UPF2: variants seen among roughly 807,000 people sequenced by gnomAD.
UPF2 encodes the protein UPF2 regulator of nonsense mediated mRNA decay, also known as regulator of nonsense transcripts 2.
UPF2 carries 17 observed loss-of-function variants against 141.4 expected under a neutral mutation model. That is an observed-to-expected ratio of 0.12 (90% confidence interval 0.08 to 0.18). The LOEUF is 0.18. Ranked by LOEUF, UPF2 falls within the 10% of genes least tolerant of loss-of-function variation. The probability of loss-of-function intolerance (pLI) is 1.00; values close to 1 mark genes in which losing one functional copy is unlikely to be tolerated. For synonymous variants in UPF2, 540 were observed against 498.0 expected (o/e 1.08, Z -1.12); for missense variants, 1,152 against 1,515.9 (o/e 0.76, Z 3.99).
At chr10:11,970,045 A>C (rs1236652150) in intron 9 of UPF2, among the ~76,000 whole-genome samples, 3 of 152,246 alleles carry the variant, frequency 2.0e-5, no homozygotes, top group African/African-American at 7.2e-5. Flanking sequence ...GACGTGAAAG[A>C]GCAAAAGTTC....
Position 11,943,049 on chromosome 10 carries a change from T to C in UPF2, c.3279+15A>G. The C allele has an allele frequency of 6.3e-7, 1 of 1,577,416 alleles. No homozygotes were observed. The highest frequency in any genetic ancestry group is 1.4e-5 in the African/African-American group (1 of 74,024). On this transcript the variant is annotated intron_variant, in intron 17 of 21. Transcript: ENST00000357604. ...CTGCACAATTTCAAAAAGTAAATTTTTCAGCCATACGTACAGTATTCTCTT... is the reference window on the plus strand; with the variant it reads ...CTGCACAATTTCAAAAAGTAAATTTCTCAGCCATACGTACAGTATTCTCTT...
chr10:11,967,322 C>A lies in UPF2; in HGVS notation c.2067+19G>T. The stretch of plus-strand genomic sequence containing the variant: ...TTTAAACTTTTCAATTAAAAACAAT[C>A]AACTAATTCAGCACTAACCTTTAAA... On this transcript the variant is annotated intron_variant, in intron 10 of 21. Coordinates refer to ENST00000357604, the MANE Select transcript of UPF2 (RefSeq NM_015542.4). 1 of 1,344,858 alleles carries A rather than the reference C, an allele frequency of 7.4e-7. No homozygotes were observed. Among genetic ancestry groups the A allele is most frequent in the South Asian group, 1.6e-5 (1 of 63,782 alleles). 83.3% of individuals were successfully genotyped at this position (1,344,858 alleles called of 1,614,324 possible).
intron 4 of UPF2, among the ~76,000 whole-genome samples, chr10:12,013,012 C>G (rs1236517463): frequency 6.6e-6 from 1 of 151,046 alleles, no homozygotes. Context: ...GCAGTCCCAG[C>G]TACTTGGGAG....
chr10:11,920,900 A>T lies in UPF2; in HGVS notation c.*398T>A. ...TCAATTCAGAGACACTGAAACTCAA[A>T]TCAAGTTTAAAGCTCAAGTTCATTT... On this transcript the variant is annotated 3_prime_UTR_variant, in exon 22 of 22. Transcript: ENST00000357604. 9.4e-6 allele frequency: 4 copies of T among 425,462 alleles called. No homozygotes were observed. Among genetic ancestry groups the T allele is most frequent in the South Asian group, 6.9e-5 (4 of 57,560 alleles). The allele number at this position is 425,462 out of a possible 1,614,324, so 26.4% of individuals were successfully genotyped here. A position where few individuals can be genotyped will look rare whatever the true frequency, so the allele number is the denominator to read the frequency against.
In UPF2 at chr10:12,028,801, C is replaced by T. The variant is rs1490570635; in HGVS notation, c.1089G>A (p.Leu363=). 2 of 1,613,700 alleles carry T rather than the reference C, an allele frequency of 1.2e-6. No homozygotes were observed. The highest frequency in any genetic ancestry group is 1.7e-6 in the Non-Finnish European group (2 of 1,179,932). The change falls in exon 3 of 22, where the codon TTG becomes TTA. Residue 363 remains leucine, a synonymous_variant. Transcript: ENST00000357604. ...TGTGGTCCCTTTTCAGGTGTTTGGT[C>T]AAAGACGTAAAGTACTCTTTTAAAA... ...QNLLKEYFTS[L]TKHLKRDHRE...
In UPF2 at chr10:12,034,975, G is replaced by T. The variant is rs1834595588; in HGVS notation, c.365+84C>A. 12 of 1,496,238 alleles carry T rather than the reference G, an allele frequency of 8.0e-6. No individual in the cohort carries two copies. The South Asian group carries it at 1.5e-4, about 19-fold the overall frequency. 92.7% of individuals were successfully genotyped at this position (1,496,238 alleles called of 1,614,324 possible). ...ATTCTTAAAGAGCTGCACCCAGGAC[G>T]CTATATTTCAAATAATGTTTTTTTC... On this transcript the variant is annotated intron_variant, in intron 2 of 21. Transcript: ENST00000357604.
intron 10 of UPF2, among the ~76,000 whole-genome samples, chr10:11,966,931 A>G (rs1833331095): frequency 6.6e-6 from 1 of 152,230 alleles, no homozygotes; most frequent in Non-Finnish European, 1.5e-5. Flanking sequence ...ACCACCAGTC[A>G]ATATTTTTAA....
chr10:11,965,134 G>C (rs569233604), intron 10 of UPF2, among the ~76,000 whole-genome samples: 1 of 152,240 alleles, frequency 6.6e-6, no homozygotes, highest in African/African-American at 2.4e-5. Flanking sequence ...TATAAAAATG[G>C]TGGGACATAC....
chr10:12,038,963 G>A (rs747453142), intron 1 of UPF2, among the ~76,000 whole-genome samples: 11 of 151,968 alleles, frequency 7.2e-5, no homozygotes, highest in Admixed American at 2.6e-4. Flanking sequence ...CACTATACCC[G>A]GGCAGCATTT....
chr10:11,935,076 CTGTT>C lies in UPF2; in HGVS notation c.3546+1465_3546+1468del, dbSNP rs1832832894. Among the ~76,000 whole-genome samples, 1 of 152,134 alleles carries C rather than the reference CTGTT, an allele frequency of 6.6e-6. No individual in the cohort carries two copies. The highest frequency in any genetic ancestry group is 1.5e-5 in the Non-Finnish European group (1 of 68,018). ...TGCAGGGATAAAATTTAGGCATCAT[CTGTT>C]TGAGGCTGTGCTAGTGGGGAGGACA... On this transcript the variant is annotated intron_variant, in intron 19 of 21. Transcript: ENST00000357604. This position sits in a 1 kb window ranked among gnomAD's most constrained non-coding sequence, Gnocchi z 4.9.
chr10:11,953,024 C>T lies in UPF2; in HGVS notation c.2851-775G>A, dbSNP rs938609878. 6.6e-6 allele frequency among the ~76,000 whole-genome samples: 1 copy of T among 152,124 alleles called. No individual in the cohort carries two copies. Among genetic ancestry groups the T allele is most frequent in the African/African-American group, 2.4e-5 (1 of 41,414 alleles). On this transcript the variant is annotated intron_variant, in intron 14 of 21. Coordinates refer to ENST00000357604, the MANE Select transcript of UPF2 (RefSeq NM_015542.4). The surrounding 1 kb of genome is among the most constrained non-coding windows in gnomAD (Gnocchi z 5.0). ...TTTGAAATATATAAAAATCACTAAT[C>T]ATCAACAAGCATTTATTGAATATCT...
chr10:11,969,443 A>G (rs936936135), intron 9 of UPF2, among the ~76,000 whole-genome samples: 5 of 152,330 alleles, frequency 3.3e-5, no homozygotes, highest in South Asian at 2.1e-4. Flanking sequence ...TGCTGGGATT[A>G]TAAGGTGTGA....
chr10:11,956,459 C>T lies in UPF2; in HGVS notation c.2435G>A (p.Cys812Tyr). Residue 812 changes from cysteine to tyrosine, a missense_variant, in exon 13 of 22, where the codon TGT becomes TAT. Physicochemically the swap from Cys to Tyr is radical, Grantham distance 194. This residue lies in a region of UPF2 where 739 missense variants were observed against 1,032.2 expected (regional missense o/e 0.72). Transcript: ENST00000357604. This position sits in a 1 kb window ranked among gnomAD's most constrained non-coding sequence, Gnocchi z 4.2. ...TTTCACATTCCAGATGTTTATCATACAACAAATAACATAGTCTTTCACTTC... is the reference window on the plus strand; with the variant it reads ...TTTCACATTCCAGATGTTTATCATATAACAAATAACATAGTCTTTCACTTC... ...DQEVKDYVIC[C>Y]MINIWNVKYN... The T allele has an allele frequency of 6.2e-7, 1 of 1,614,042 alleles. No individual in the cohort carries two copies. Among genetic ancestry groups the T allele is most frequent in the Non-Finnish European group, 8.5e-7 (1 of 1,179,958 alleles).
chr10:12,022,904 A>T (rs1221921315), intron 3 of UPF2, among the ~76,000 whole-genome samples: 1 of 152,190 alleles, frequency 6.6e-6, no homozygotes, highest in Non-Finnish European at 1.5e-5. Flanking sequence ...CATTCTACTT[A>T]AATTTTTTTT....
intron 3 of UPF2, chr10:12,026,747 G>A (rs984784730): frequency 2.3e-6 from 1 of 425,558 alleles, no homozygotes; most frequent in Non-Finnish European, 4.6e-6. Flanking sequence ...ACCTCCCAGG[G>A]TCAAGTGATT....
intron 3 of UPF2, among the ~76,000 whole-genome samples, chr10:12,023,208 C>T (rs536714605): frequency 1.3e-5 from 2 of 152,118 alleles, no homozygotes; most frequent in South Asian, 4.2e-4. Context: ...TATAATATTT[C>T]AAAGTACAAA....
intron 15 of UPF2, among the ~76,000 whole-genome samples, chr10:11,951,071 T>G (rs1833068260): frequency 6.6e-6 from 1 of 152,308 alleles, no homozygotes; most frequent in East Asian, 1.9e-4. Flanking sequence ...TTATTTACTT[T>G]ATTTTTTTGA....
At chr10:11,922,375 A>AAAGT (rs1832656384) in intron 21 of UPF2, among the ~76,000 whole-genome samples, 1 of 152,228 alleles carries the variant, frequency 6.6e-6, no homozygotes, top group South Asian at 2.1e-4. Context: ...CAAATATGGA[A>AAAGT]AAGTATATCC....
chr10:11,951,220 T>A, intron 15 of UPF2, among the ~76,000 whole-genome samples: 1 of 151,928 alleles, frequency 6.6e-6, no homozygotes, highest in Non-Finnish European at 1.5e-5. Context: ...GCGCCAACAT[T>A]CCTGGATAAT....
Sources: allele counts gnomAD v4.1 joint callset (sites outside exome capture counted in the v4.1 genomes callset), GRCh38; gene constraint gnomAD v4.1.1; regional missense constraint gnomAD v4.1.1; non-coding constraint Gnocchi (gnomAD v3.1); transcripts MANE v1.5; gene names NCBI Gene and HGNC (gene_info 2026-07-23, HGNC 2026-07-21).